The following LRP1B variants were observed in gnomAD, a reference collection of about 807,000 sequenced individuals.
LRP1B encodes LDL receptor related protein 1B.
Under a neutral mutation model 556.6 loss-of-function variants are expected in LRP1B, and 217 were observed. The observed-to-expected ratio is 0.39, with a 90% CI of 0.35 to 0.44. LRP1B has a LOEUF of 0.44. LRP1B is among the 20% of genes least tolerant of loss of function. LRP1B has a pLI of 1.00. For synonymous variants in LRP1B, 2,047 were observed against 1,865.8 expected (o/e 1.10, Z -2.50); for missense variants, 5,053 against 5,620.8 (o/e 0.90, Z 3.23).
At chr2:140,934,111 A>G (rs1695134058) in intron 20 of LRP1B, among the ~76,000 whole-genome samples, 1 of 152,142 alleles carries the variant, frequency 6.6e-6, no homozygotes, top group Admixed American at 6.6e-5. Context: ...AATAGATATT[A>G]TACTTCTCTA....
At chr2:141,463,597 A>G (rs1218319739) in intron 3 of LRP1B, among the ~76,000 whole-genome samples, 1 of 103,554 alleles carries the variant, frequency 9.7e-6, no homozygotes, top group African/African-American at 4.8e-5. Flanking sequence ...TATAATATAT[A>G]TTATATATTA....
chr2:140,331,668 G>T, intron 79 of LRP1B, among the ~76,000 whole-genome samples: 1 of 135,902 alleles, frequency 7.4e-6, no homozygotes, highest in Non-Finnish European at 1.6e-5. Flanking sequence ...TTTAAAGTTA[G>T]TTATCACTAT....
At chr2:140,981,097 GA>G (rs1372412707) in intron 18 of LRP1B, among the ~76,000 whole-genome samples, 1 of 151,476 alleles carries the variant, frequency 6.6e-6, no homozygotes, top group Non-Finnish European at 1.5e-5. Flanking sequence ...TTGGTGGGGG[GA>G]AAGCTGTAAA....
chr2:141,916,228 G>A lies in LRP1B; in HGVS notation c.83-105827C>T, dbSNP rs185868951. Among the ~76,000 whole-genome samples the A allele has an allele frequency of 2.1e-3, 322 of 152,100 alleles. 1 individual carries two copies. The highest frequency in any genetic ancestry group is 7.2e-3 in the African/African-American group (298 of 41,492). On this transcript the variant is annotated intron_variant, in intron 1 of 90. Coordinates refer to ENST00000389484, the MANE Select transcript of LRP1B (RefSeq NM_018557.3). ...GAAAATGTGATACATATACACCACC[G>A]GATACTACCCAGCCATAAAAAATGA...
intron 3 of LRP1B, among the ~76,000 whole-genome samples, chr2:141,355,126 A>G (rs976759227): frequency 1.3e-5 from 2 of 152,090 alleles, no homozygotes; most frequent in South Asian, 2.1e-4. Context: ...GTATTGATAT[A>G]TTTAGACAAA....
At chr2:140,465,001 T>G (rs1440199850) in intron 60 of LRP1B, among the ~76,000 whole-genome samples, 1 of 152,200 alleles carries the variant, frequency 6.6e-6, no homozygotes, top group African/African-American at 2.4e-5. Flanking sequence ...TTTCTACAAA[T>G]AAATACCTGA....
At chr2:140,723,650 A>C (rs1687492637) in intron 35 of LRP1B, among the ~76,000 whole-genome samples, 1 of 152,200 alleles carries the variant, frequency 6.6e-6, no homozygotes, top group African/African-American at 2.4e-5. Flanking sequence ...CTGTAACTGT[A>C]AATTGAGGGA....
intron 3 of LRP1B, among the ~76,000 whole-genome samples, chr2:141,359,963 A>G (rs896682868): frequency 1.3e-5 from 2 of 151,938 alleles, no homozygotes; most frequent in Non-Finnish European, 2.9e-5. Flanking sequence ...CAGATACACA[A>G]AACTGTAGAA....
chr2:141,104,009 G>A (rs1327377985), intron 7 of LRP1B, among the ~76,000 whole-genome samples: 1 of 151,878 alleles, frequency 6.6e-6, no homozygotes, highest in Non-Finnish European at 1.5e-5. Flanking sequence ...GTTTCTTGCG[G>A]TAGTTTAAGG....
chr2:140,507,664 G>C (rs536475146), intron 52 of LRP1B, among the ~76,000 whole-genome samples: 1 of 152,148 alleles, frequency 6.6e-6, no homozygotes, highest in Non-Finnish European at 1.5e-5. Flanking sequence ...AATACCATAC[G>C]CATAGAATCA....
At chr2:140,752,472 T>A (rs10187216) in intron 35 of LRP1B, among the ~76,000 whole-genome samples, 3 of 151,656 alleles carry the variant, frequency 2.0e-5, no homozygotes, top group African/African-American at 4.8e-5. Context: ...TTACAGGCAC[T>A]TAACACTAAG....
At chr2:140,569,305 C>T (rs1461439548) in intron 43 of LRP1B, among the ~76,000 whole-genome samples, 1 of 151,860 alleles carries the variant, frequency 6.6e-6, no homozygotes, top group East Asian at 1.9e-4. Context: ...CAGCAGTATG[C>T]TACTTAAAAA....
Position 141,639,620 on chromosome 2 carries a change from T to A in LRP1B, c.206-159087A>T, listed in dbSNP as rs933610130. ...TGCATCTATTTTTCCTTTTTAAATA[T>A]AATAACAATGTATACATTTTAAATT... On this transcript the variant is annotated intron_variant, in intron 2 of 90. Transcript: ENST00000389484. Among the ~76,000 whole-genome samples the A allele has an allele frequency of 3.3e-5, 5 of 151,726 alleles. No homozygotes were observed. The East Asian group carries it at 5.9e-4, about 18-fold the overall frequency.
chr2:141,323,640 T>A (rs1559005049), intron 3 of LRP1B, among the ~76,000 whole-genome samples: 1 of 152,048 alleles, frequency 6.6e-6, no homozygotes, highest in Non-Finnish European at 1.5e-5. Context: ...ACGGGTCATT[T>A]ATGTAGACTC....
At chr2:140,569,114 A>T (rs1157171946) in intron 43 of LRP1B, among the ~76,000 whole-genome samples, 1 of 152,018 alleles carries the variant, frequency 6.6e-6, no homozygotes, top group African/African-American at 2.4e-5. Flanking sequence ...TCACAACAAC[A>T]TCAACAAAAA....
At position 140,303,018 on chromosome 2, in the gene LRP1B, TA is replaced by T. The variant is rs1438190984; in HGVS notation, c.12806-5050del. Among the ~76,000 whole-genome samples, 300 of 59,656 alleles carry T rather than the reference TA, an allele frequency of 5.0e-3. 4 individuals are homozygous for T. Among genetic ancestry groups the T allele is most frequent in the Middle Eastern group, 0.013 (2 of 158 alleles). The allele number at this position is 59,656 out of a possible 152,430, so 39.1% of individuals were successfully genotyped here. A position where few individuals can be genotyped will look rare whatever the true frequency, so the allele number is the denominator to read the frequency against. ...TCCAATTATAAATCTCCTTCATATA[TA>T]TATATATATATATATATATATATAT... On this transcript the variant is annotated intron_variant, in intron 83 of 90. Transcript: ENST00000389484.
chr2:141,546,455 A>G (rs779141608), intron 2 of LRP1B, among the ~76,000 whole-genome samples: 1 of 152,138 alleles, frequency 6.6e-6, no homozygotes, highest in Non-Finnish European at 1.5e-5. Flanking sequence ...CTCTAGCTAC[A>G]TCATGGGTCC....
At chr2:140,866,033 T>C (rs1692940032) in intron 27 of LRP1B, among the ~76,000 whole-genome samples, 2 of 152,084 alleles carry the variant, frequency 1.3e-5, no homozygotes, top group Admixed American at 6.6e-5. Flanking sequence ...CTATTTTGGG[T>C]GAGGAGGAAT....
At chr2:140,845,087 A>G (rs565182939) in intron 29 of LRP1B, among the ~76,000 whole-genome samples, 90 of 152,350 alleles carry the variant, frequency 5.9e-4, no homozygotes, top group African/African-American at 1.7e-3. Context: ...CAATTAAAAA[A>G]TAAAAACAAA....
Sources: allele counts gnomAD v4.1 joint callset (sites outside exome capture counted in the v4.1 genomes callset), GRCh38; gene constraint gnomAD v4.1.1; transcripts MANE v1.5; gene names NCBI Gene and HGNC (gene_info 2026-07-23, HGNC 2026-07-21).